The following SMG1 variants were observed in gnomAD, a reference collection of about 807,000 sequenced individuals.
SMG1 encodes SMG1 nonsense mediated mRNA decay associated PI3K related kinase.
SMG1 carries 22 observed loss-of-function variants against 419.9 expected under a neutral mutation model. That is an observed-to-expected ratio of 0.05 (90% CI 0.04 to 0.07). The LOEUF (loss-of-function observed/expected upper bound fraction) is 0.07. Among genes scored for constraint, SMG1 ranks in the 10% least tolerant of loss-of-function variants. The pLI is 1.00. For missense variants in SMG1, 3,185 were observed against 4,342.0 expected (o/e 0.73, Z 7.49); for synonymous variants, 1,538 against 1,553.5 (o/e 0.99, Z 0.23).
intron 23 of SMG1, chr16:18,866,385 G>A (rs780950280): frequency 4.5e-5 from 25 of 554,150 alleles, no homozygotes; most frequent in Non-Finnish European, 7.1e-5. Flanking sequence ...TAAAATAACT[G>A]ACAGGTCTTG....
intron 30 of SMG1, among the ~76,000 whole-genome samples, chr16:18,854,069 C>A (rs1479993408): frequency 7.0e-6 from 1 of 141,972 alleles, no homozygotes; most frequent in East Asian, 2.0e-4. Flanking sequence ...CTATGCCTAG[C>A]CAAAATACTA....
chr16:18,848,318 CTTTT>C (rs34583374), intron 36 of SMG1, among the ~76,000 whole-genome samples: 9 of 142,216 alleles, frequency 6.3e-5, no homozygotes, highest in Admixed American at 7.0e-5. Context: ...TGGTATAATC[CTTTT>C]TTTTTTTTTT....
intron 62 of SMG1, among the ~76,000 whole-genome samples, chr16:18,810,462 G>T (rs769103044): frequency 6.6e-6 from 1 of 152,182 alleles, no homozygotes; most frequent in African/African-American, 2.4e-5. Flanking sequence ...CAAGAAGTAG[G>T]ACAAGGATGG....
chr16:18,923,661 C>T (rs557659083), intron 1 of SMG1, among the ~76,000 whole-genome samples: 1 of 151,674 alleles, frequency 6.6e-6, no homozygotes, highest in Non-Finnish European at 1.5e-5. Context: ...AGGCCTACAT[C>T]AAGGAAAACA....
chr16:18,882,327 A>C lies in SMG1; in HGVS notation c.1131T>G (p.His377Gln). ...DMEAYAEDLS[H>Q]VASGESVDED... Reference sequence around the variant, plus strand: ...CATCCACTGATTCCCCAGAGGCCACATGGCTGAGGTCCTAGATGTGAATTC... The same window carrying C: ...CATCCACTGATTCCCCAGAGGCCACCTGGCTGAGGTCCTAGATGTGAATTC... The change falls in exon 10 of 63, where the codon CAT becomes CAG. Residue 377 changes from histidine to glutamine, a missense_variant. Physicochemically the swap from His to Gln is conservative, Grantham distance 24 (BLOSUM62 0). This residue lies in a region of SMG1 where 52 missense variants were observed against 69.0 expected (regional missense o/e 0.75). Transcript: ENST00000446231. 1 of 1,604,140 alleles carries C rather than the reference A, an allele frequency of 6.2e-7. No individual in the cohort carries two copies. The highest frequency in any genetic ancestry group is 1.1e-5 in the South Asian group (1 of 90,252).
At chr16:18,836,954 G>A (rs187575875) in intron 46 of SMG1, among the ~76,000 whole-genome samples, 47 of 152,288 alleles carry the variant, frequency 3.1e-4, no homozygotes, top group African/African-American at 1.1e-3. Context: ...AAGGACTCAA[G>A]ATACATAATG....
At chr16:18,832,364 T>C (rs965634431) in intron 51 of SMG1, among the ~76,000 whole-genome samples, 2 of 152,106 alleles carry the variant, frequency 1.3e-5, no homozygotes, top group African/African-American at 4.8e-5. Context: ...AAATACAATA[T>C]CCAATTAGCT....
intron 3 of SMG1, among the ~76,000 whole-genome samples, chr16:18,893,396 A>G (rs113694595): frequency 3.3e-5 from 5 of 152,326 alleles, no homozygotes; most frequent in African/African-American, 1.2e-4. Flanking sequence ...AGGCCAAGGC[A>G]GGCAGATCAC....
Position 18,837,113 on chromosome 16 carries a change from C to T in SMG1, c.7604+140G>A, listed in dbSNP as rs537557793. 259 of 751,678 alleles carry T rather than the reference C, an allele frequency of 3.4e-4. 2 individuals carry two copies. In the African/African-American group the frequency reaches 4.3e-3, roughly 12 times the overall value. 46.6% of individuals were successfully genotyped at this position (751,678 alleles called of 1,614,324 possible). ...TTCAGTGAATTTTTGTTTACTAACA[C>T]TTTGAAGTTGCAGTCACTGAGACAG... On this transcript the variant is annotated intron_variant, in intron 46 of 62. Coordinates refer to ENST00000446231, the MANE Select transcript of SMG1 (RefSeq NM_015092.5).
rs755238049 is a variant in SMG1 at position 18,836,141 on chromosome 16, C to T, written c.7849G>A (p.Glu2617Lys). 6.2e-6 allele frequency: 10 copies of T among 1,610,278 alleles called. No individual in the cohort carries two copies. The highest frequency in any genetic ancestry group is 2.7e-5 in the African/African-American group (2 of 74,874). ...AGQAHLISQC[E>K]QLEGEVGALL... ...GCACCAACCTCCCCCTCCAGCTGCT[C>T]GCACTGGCTAATCAAGTGGGCCTGA... The change falls in exon 48 of 63, where the codon GAG becomes AAG. Residue 2617 changes from glutamate to lysine, a missense_variant. This residue lies in a region of SMG1 where 412 missense variants were observed against 546.6 expected (regional missense o/e 0.75). Coordinates refer to ENST00000446231, the MANE Select transcript of SMG1 (RefSeq NM_015092.5).
At chr16:18,910,856 T>C (rs1026808155) in intron 1 of SMG1, among the ~76,000 whole-genome samples, 6 of 152,248 alleles carry the variant, frequency 3.9e-5, no homozygotes, top group Admixed American at 3.9e-4. Context: ...AATATGTATA[T>C]ACACAGCCAT....
chr16:18,875,210 C>T (rs12919026), intron 13 of SMG1: 14,481 of 152,592 alleles, frequency 0.095, 745 homozygotes, highest in Middle Eastern at 0.17. Flanking sequence ...GGGCATCATA[C>T]TGGTGCTCAA....
Position 18,871,432 on chromosome 16 carries a change from G to C in SMG1, c.2234C>G (p.Ser745Cys). The C allele has an allele frequency of 9.4e-6, 15 of 1,601,952 alleles. No individual in the cohort carries two copies. Among genetic ancestry groups the C allele is most frequent in the Non-Finnish European group, 1.3e-5 (15 of 1,176,896 alleles). The change falls in exon 16 of 63, where the codon TCT (serine) becomes TGT (cysteine). Residue 745 changes from serine to cysteine, a missense_variant. Physicochemically the swap from Ser to Cys is moderately radical, Grantham distance 112. Transcript: ENST00000446231. ...ALEAAVLMKKSETYAPLFSLP... is the reference protein window; with the variant it reads ...ALEAAVLMKKCETYAPLFSLP... Reference sequence around the variant, plus strand: ...AGAGAATAAAGGTGCGTATGTTTCAGACTTCTTCATTAAAACAGCTGCTTC... The same window carrying C: ...AGAGAATAAAGGTGCGTATGTTTCACACTTCTTCATTAAAACAGCTGCTTC...
At position 18,807,809 on chromosome 16, in the gene SMG1, G is replaced by A. The variant is rs913053396; in HGVS notation, c.*1760C>T. 23 of 152,126 alleles carry A rather than the reference G, an allele frequency of 1.5e-4. No homozygotes were observed. Among genetic ancestry groups the A allele is most frequent in the African/African-American group, 4.8e-4 (20 of 41,408 alleles). The allele number at this position is 152,126 out of a possible 1,614,324, so 9.4% of individuals were successfully genotyped here. ...GAGTCTAGCTCTGTTGCCCAGGCTG[G>A]AGTGCAGTGGCACAATCTCGGCTCA... On this transcript the variant is annotated 3_prime_UTR_variant, in exon 63 of 63. Transcript: ENST00000446231.
At chr16:18,850,170 A>G (rs762162905) in intron 34 of SMG1, 44 bp from the exon 35 acceptor site, 1 of 1,595,792 alleles carries the variant, frequency 6.3e-7, no homozygotes, top group Non-Finnish European at 8.5e-7. Context: ...AATAACTCAG[A>G]ACACTACTTT....
intron 6 of SMG1, among the ~76,000 whole-genome samples, chr16:18,887,519 T>TGTTTTTTTTTTG (rs952532719): frequency 7.8e-6 from 1 of 128,330 alleles, no homozygotes; most frequent in African/African-American, 2.9e-5. Context: ...TTTTTTCCTT[T>TGTTTTTTTTTTG]TTTTTTTTTT....
chr16:18,911,951 T>C (rs2037809335), intron 1 of SMG1, among the ~76,000 whole-genome samples: 2 of 151,772 alleles, frequency 1.3e-5, no homozygotes, highest in East Asian at 3.9e-4. Flanking sequence ...CGTGGTGGCA[T>C]GCACCTGTAA....
At chr16:18,887,533 T>TTTTTTTTTTTA (rs1567427842) in intron 6 of SMG1, among the ~76,000 whole-genome samples, 2 of 141,854 alleles carry the variant, frequency 1.4e-5, no homozygotes, top group Non-Finnish European at 3.1e-5. Context: ...TTTTTTTTTT[T>TTTTTTTTTTTA]AATAGAAACA....
Position 18,838,428 on chromosome 16 carries a change from T to C in SMG1, c.7123A>G (p.Met2375Val), listed in dbSNP as rs762103726. 3.1e-6 allele frequency: 5 copies of C among 1,613,878 alleles called. No individual in the cohort carries two copies. Among genetic ancestry groups the C allele is most frequent in the African/African-American group, 1.3e-5 (1 of 74,926 alleles). ...LRVPEKVPFR[M>V]TQNIETALGV... ...AGTGCTGTTTCAATGTTTTGTGTCA[T>C]TCGAAAAGGTACTTTCTCAGGAACT... Residue 2375 changes from methionine (M) to valine (V), a missense_variant, in exon 44 of 63, where the codon ATG (methionine) becomes GTG (valine). By Grantham distance (21) the Met-to-Val change is conservative. Around this residue, in one of 27 missense-constraint regions of SMG1, gnomAD observed 60 missense variants for 133.9 expected, o/e 0.45. Coordinates refer to ENST00000446231, the MANE Select transcript of SMG1 (RefSeq NM_015092.5).
Sources: gnomAD v4.1 joint callset for allele counts (sites outside exome capture counted in the v4.1 genomes callset) on GRCh38, gnomAD v4.1.1 for gene constraint, gnomAD v4.1.1 regional missense constraint, MANE v1.5 for transcripts, NCBI Gene and HGNC (gene_info 2026-07-23, HGNC 2026-07-21) for gene names.